ZCWPW2: variants seen among roughly 807,000 people sequenced by gnomAD.
ZCWPW2 encodes the protein zinc finger CW-type and PWWP domain containing 2.
A neutral mutation model predicts 46.6 loss-of-function variants in ZCWPW2; 45 were observed. That is an observed-to-expected ratio of 0.96 (90% CI 0.76 to 1.24). The LOEUF (loss-of-function observed/expected upper bound fraction) is 1.24, where lower values mean the gene tolerates loss of function less well. Ranked by LOEUF, ZCWPW2 falls within the 50% of genes most tolerant of loss-of-function variation. The probability of loss-of-function intolerance (pLI) is 0.00; values close to 1 mark genes in which losing one functional copy is unlikely to be tolerated. For synonymous variants in ZCWPW2, 152 were observed against 137.1 expected (o/e 1.11, Z -0.76); for missense variants, 429 against 403.9 (o/e 1.06, Z -0.53).
At chr3:28,380,554 G>A (rs6771057) in intron 1 of ZCWPW2, among the ~76,000 whole-genome samples, 81,253 of 151,898 alleles carry the variant, frequency 0.53, 22,218 homozygotes, top group African/African-American at 0.58. Flanking sequence ...TTGTCATGTC[G>A]TCAATGATTT....
At chr3:28,405,950 T>C (rs1471192589) in intron 2 of ZCWPW2, among the ~76,000 whole-genome samples, 2 of 152,164 alleles carry the variant, frequency 1.3e-5, no homozygotes, top group African/African-American at 4.8e-5. Context: ...TAGGAACATA[T>C]CATAAAGCAA....
At position 28,349,055 on chromosome 3, in the gene ZCWPW2, A is replaced by C. The variant is rs1704413112; in HGVS notation, c.-282A>C. On this transcript the variant is annotated 5_prime_UTR_variant, in exon 1 of 10. Transcript: ENST00000383768. ...GGAAACCGGAAGTCAGGCCCGAGGG[A>C]GCTGGGAGGGCGTTAGCGAAGCCAG... 1 of 985,676 alleles carries C rather than the reference A, an allele frequency of 1.0e-6. No individual in the cohort carries two copies. Among genetic ancestry groups the C allele is most frequent in the Non-Finnish European group, 1.2e-6 (1 of 830,388 alleles). The allele number at this position is 985,676 out of a possible 1,614,324, so 61.1% of individuals were successfully genotyped here.
intron 1 of ZCWPW2, among the ~76,000 whole-genome samples, chr3:28,352,693 T>G (rs1006603909): frequency 1.3e-5 from 2 of 152,182 alleles, no homozygotes; most frequent in Admixed American, 1.3e-4. Flanking sequence ...ACACAAATGA[T>G]TATTGCTATA....
At chr3:28,492,399 G>C (rs1699841590) in intron 6 of ZCWPW2, among the ~76,000 whole-genome samples, 1 of 151,870 alleles carries the variant, frequency 6.6e-6, no homozygotes, top group Non-Finnish European at 1.5e-5. Flanking sequence ...GAACAATAGA[G>C]AACTATAAGT....
chr3:28,422,105 C>T (rs1039474961), intron 3 of ZCWPW2, among the ~76,000 whole-genome samples: 19 of 151,896 alleles, frequency 1.3e-4, no homozygotes, highest in Admixed American at 4.6e-4. Flanking sequence ...GGAGAGTTTC[C>T]GTATGTCCCT....
At chr3:28,453,906 G>A (rs1195061537) in intron 4 of ZCWPW2, among the ~76,000 whole-genome samples, 4 of 149,664 alleles carry the variant, frequency 2.7e-5, no homozygotes, top group African/African-American at 9.8e-5. Context: ...GTGCAGTGGC[G>A]CGATCTCGGC....
At chr3:28,421,123 G>A (rs1696766251) in intron 3 of ZCWPW2, among the ~76,000 whole-genome samples, 1 of 152,150 alleles carries the variant, frequency 6.6e-6, no homozygotes, top group African/African-American at 2.4e-5. Context: ...CCACATGGGA[G>A]TAAGAGTCAA....
intron 5 of ZCWPW2, among the ~76,000 whole-genome samples, chr3:28,491,068 C>T (rs1013925284): frequency 6.6e-6 from 1 of 152,074 alleles, no homozygotes; most frequent in African/African-American, 2.4e-5. Context: ...ATGTTCATAA[C>T]TAACCATAAT....
intron 8 of ZCWPW2, among the ~76,000 whole-genome samples, chr3:28,518,620 C>T (rs1187264273): frequency 6.6e-6 from 1 of 152,130 alleles, no homozygotes; most frequent in Non-Finnish European, 1.5e-5. Flanking sequence ...CTTCAGATCA[C>T]TTGAAAACAG....
intron 2 of ZCWPW2, chr3:28,398,256 A>G (rs1418622591): frequency 6.6e-6 from 1 of 152,112 alleles, no homozygotes; most frequent in Non-Finnish European, 1.5e-5. Context: ...ACTCTGTGCT[A>G]TTTCTTATTG....
chr3:28,384,544 A>G (rs1695203935), intron 1 of ZCWPW2, among the ~76,000 whole-genome samples: 1 of 150,650 alleles, frequency 6.6e-6, no homozygotes, highest in Admixed American at 6.6e-5. Context: ...TATGGTTTTA[A>G]TTTTTCAGTG....
intron 7 of ZCWPW2, 63 bp downstream of exon 7, chr3:28,514,185 G>C: frequency 5.3e-6 from 6 of 1,123,498 alleles, no homozygotes; most frequent in South Asian, 1.6e-5. Flanking sequence ...ATTTAGTTTA[G>C]AAACACCCCG....
At position 28,371,596 on chromosome 3, in the gene ZCWPW2, A is replaced by C. The variant is rs543563701; in HGVS notation, c.-133-18902A>C. On this transcript the variant is annotated intron_variant, in intron 1 of 9. Coordinates refer to ENST00000383768, the MANE Select transcript of ZCWPW2 (RefSeq NM_001040432.4). ...ATCACTTGAGCCCAGGAGTTTGAGG[A>C]TACAGGGAGCTATGATTGTGCCACT... is the stretch of plus-strand genomic sequence containing the variant. 2.5e-3 allele frequency among the ~76,000 whole-genome samples: 383 copies of C among 152,216 alleles called. 1 individual carries two copies. Among genetic ancestry groups the C allele is most frequent in the African/African-American group, 8.4e-3 (347 of 41,532 alleles).
At chr3:28,497,759 C>A (rs1700032995) in intron 6 of ZCWPW2, among the ~76,000 whole-genome samples, 2 of 151,990 alleles carry the variant, frequency 1.3e-5, no homozygotes, top group South Asian at 4.1e-4. Flanking sequence ...ATTGGCATTC[C>A]TGGGGTCAAG....
In ZCWPW2 at chr3:28,520,999, T is replaced by C; in HGVS notation, c.792T>C (p.Cys264=). The C allele has an allele frequency of 6.2e-7, 1 of 1,613,568 alleles. No homozygotes were observed. Among genetic ancestry groups the C allele is most frequent in the Non-Finnish European group, 8.5e-7 (1 of 1,179,746 alleles). Residue 264 remains cysteine, a synonymous_variant, in exon 9 of 10, where the codon TGT becomes TGC. Coordinates refer to ENST00000383768, the MANE Select transcript of ZCWPW2 (RefSeq NM_001040432.4). ...TTAATCCTGTTTTTTTAGTTGTCTGTGAGACGGAAGTTTTACTAAAAGAGC... is the reference window on the plus strand; with the variant it reads ...TTAATCCTGTTTTTTTAGTTGTCTGCGAGACGGAAGTTTTACTAAAAGAGC... ...DALSKENRVV[C]ETEVLLKELE...
chr3:28,477,421 A>C (rs1699272007), intron 4 of ZCWPW2, among the ~76,000 whole-genome samples: 1 of 152,210 alleles, frequency 6.6e-6, no homozygotes, highest in Non-Finnish European at 1.5e-5. Flanking sequence ...ATAATATACC[A>C]TGAGGTATAG....
At chr3:28,414,250 T>G (rs1212717815) in intron 3 of ZCWPW2, among the ~76,000 whole-genome samples, 2 of 151,920 alleles carry the variant, frequency 1.3e-5, no homozygotes, top group Non-Finnish European at 2.9e-5. Flanking sequence ...TATTATCAAT[T>G]GTTCTTGTGT....
chr3:28,487,625 T>C (rs908991324), intron 5 of ZCWPW2, among the ~76,000 whole-genome samples: 3 of 152,292 alleles, frequency 2.0e-5, no homozygotes, highest in Non-Finnish European at 4.4e-5. Flanking sequence ...CTGCTTGCTC[T>C]GTCTCTTCAA....
intron 2 of ZCWPW2, among the ~76,000 whole-genome samples, chr3:28,399,317 C>G (rs1000372807): frequency 6.6e-6 from 1 of 152,114 alleles, no homozygotes; most frequent in Non-Finnish European, 1.5e-5. Flanking sequence ...CATGCCTAGC[C>G]TTACCCCCAC....
Sources: gnomAD v4.1 joint callset for allele counts (sites outside exome capture counted in the v4.1 genomes callset) on GRCh38, gnomAD v4.1.1 for gene constraint, MANE v1.5 for transcripts, NCBI Gene and HGNC (gene_info 2026-07-23, HGNC 2026-07-21) for gene names.